Variants in VAMP3 observed in about 807,000 individuals in gnomAD.
VAMP3 encodes vesicle-associated membrane protein 3.
Under a neutral mutation model 18.1 loss-of-function variants are expected in VAMP3, and 11 were observed. That is an observed-to-expected ratio of 0.61 (90% confidence interval 0.38 to 1.00). The LOEUF (loss-of-function observed/expected upper bound fraction) is 1.00. VAMP3 is among the 50% of genes least tolerant of loss of function. The pLI is 0.01. For synonymous variants in VAMP3, 49 were observed against 43.1 expected (o/e 1.14, Z -0.53); for missense variants, 122 against 127.3 (o/e 0.96, Z 0.20).
chr1:7,776,882 T>C (rs2797688), intron 2 of VAMP3: 127,445 of 228,486 alleles, frequency 0.56, 36,252 homozygotes, highest in Admixed American at 0.63. Flanking sequence ...TCTCACCTCA[T>C]TGCAACCTCC....
chr1:7,776,358 T>C (rs1388050640), intron 2 of VAMP3: 1 of 152,268 alleles, frequency 6.6e-6, no homozygotes, highest in African/African-American at 2.4e-5. Context: ...CTGATTTCTA[T>C]GTGTTGTTGT....
chr1:7,775,796 A>C (rs2097054044), intron 2 of VAMP3, among the ~76,000 whole-genome samples: 1 of 152,144 alleles, frequency 6.6e-6, no homozygotes, highest in South Asian at 2.1e-4. Context: ...TTCTTCTAAG[A>C]GTTTTATGGC....
In VAMP3 at chr1:7,780,624, T is replaced by C. The variant is rs2097056638; in HGVS notation, c.*979T>C. ...GCTGTGGACTCCAGCATGTTTCTGA[T>C]AATTATGCAAGCAACAATTCTGTAG... On this transcript the variant is annotated 3_prime_UTR_variant, in exon 5 of 5. Transcript: ENST00000054666. The C allele has an allele frequency of 1.3e-5, 2 of 152,396 alleles. No homozygotes were observed. The allele number at this position is 152,396 out of a possible 1,614,324, so 9.4% of individuals were successfully genotyped here.
At chr1:7,775,862 G>T (rs779099203) in intron 2 of VAMP3, among the ~76,000 whole-genome samples, 3 of 152,146 alleles carry the variant, frequency 2.0e-5, no homozygotes, top group Non-Finnish European at 4.4e-5. Flanking sequence ...TGTATATAGG[G>T]TGAGGTGGGG....
intron 2 of VAMP3, 41 bp downstream of exon 2, chr1:7,773,552 T>C (rs1346782936): frequency 5.8e-6 from 9 of 1,541,974 alleles, no homozygotes; most frequent in Admixed American, 1.7e-5. Flanking sequence ...TTTAAACAAA[T>C]ATGAGTACTC....
rs1334060887 is a variant in VAMP3, at chr1:7,781,286, C to T, written c.*1641C>T. The T allele has an allele frequency of 1.3e-5, 2 of 152,860 alleles. No individual in the cohort carries two copies. Among genetic ancestry groups the T allele is most frequent in the Non-Finnish European group, 2.9e-5 (2 of 68,098 alleles). 9.5% of individuals were successfully genotyped at this position (152,860 alleles called of 1,614,324 possible). On this transcript the variant is annotated 3_prime_UTR_variant, in exon 5 of 5. Coordinates refer to ENST00000054666, the MANE Select transcript of VAMP3 (RefSeq NM_004781.4). The stretch of plus-strand genomic sequence containing the variant: ...TCTCTGGCCGGGTCTGACTCAGAAA[C>T]CTTGGTACTCGCCCCTTGGCCACAG...
intron 2 of VAMP3, 50 bp downstream of exon 2, chr1:7,773,561 T>G (rs748337653): frequency 6.7e-7 from 1 of 1,501,796 alleles, no homozygotes; most frequent in Non-Finnish European, 9.2e-7. Flanking sequence ...ATATGAGTAC[T>G]CTGGAAATCT....
chr1:7,777,124 C>A, intron 2 of VAMP3, 36 bp from the exon 3 acceptor site: 1 of 1,575,928 alleles, frequency 6.3e-7, no homozygotes, highest in Non-Finnish European at 8.6e-7. Context: ...TTCCTCCATT[C>A]TTTGTGCATT....
chr1:7,774,932 T>G (rs2097053500), intron 2 of VAMP3, among the ~76,000 whole-genome samples: 1 of 152,244 alleles, frequency 6.6e-6, no homozygotes, highest in Admixed American at 6.5e-5. Context: ...GGAGTAGCAT[T>G]GCTAGGTCAT....
rs191096882 is a variant in VAMP3 at position 7,773,824 on chromosome 1, G to A, written c.72+313G>A. On this transcript the variant is annotated intron_variant, in intron 2 of 4. Coordinates refer to ENST00000054666, the MANE Select transcript of VAMP3 (RefSeq NM_004781.4). ...TCCCCAAGAAGCACTTTATAAAATC[G>A]GATAATACAATGTTAAGGATTAGGT... 1.9e-4 allele frequency among the ~76,000 whole-genome samples: 29 copies of A among 152,230 alleles called. 1 individual carries two copies. The South Asian group carries it at 5.2e-3, about 27-fold the overall frequency.
intron 1 of VAMP3, 88 bp from the exon 2 acceptor site, chr1:7,773,354 A>C (rs2097052383): frequency 1.9e-6 from 2 of 1,051,054 alleles, no homozygotes; most frequent in Non-Finnish European, 2.9e-6. Flanking sequence ...GATTGTTAAC[A>C]GTGAGAGTCC....
intron 2 of VAMP3, among the ~76,000 whole-genome samples, chr1:7,775,547 C>A (rs2097053927): frequency 6.6e-6 from 1 of 152,106 alleles, no homozygotes; most frequent in South Asian, 2.1e-4. Context: ...CAGTGGTTCA[C>A]CATTTTGGTC....
At chr1:7,779,576 A>C in intron 4 of VAMP3, 50 bp from the exon 5 acceptor site, 1 of 1,613,706 alleles carries the variant, frequency 6.2e-7, no homozygotes, top group African/African-American at 1.3e-5. Context: ...TCACACTGAG[A>C]GACTAACCTG....
rs746381296 is a variant in VAMP3 at position 7,777,255 on chromosome 1, C to A, written c.168C>A (p.Gly56=). The A allele has an allele frequency of 6.2e-7, 1 of 1,613,694 alleles. No homozygotes were observed. Among genetic ancestry groups the A allele is most frequent in the Non-Finnish European group, 8.5e-7 (1 of 1,179,848 alleles). ...LDDRADALQA[G]ASQFETSAAK... is the part of the protein sequence containing the mutation. ...ACCGTGCAGACGCACTGCAGGCAGG[C>A]GCTTCTCAATTTGAAACGAGCGCAG... Residue 56 remains glycine (G), a synonymous_variant, in exon 3 of 5, where the codon GGC becomes GGA. Transcript: ENST00000054666.
intron 2 of VAMP3, among the ~76,000 whole-genome samples, chr1:7,774,015 C>G (rs1201288565): frequency 1.3e-5 from 2 of 152,232 alleles, no homozygotes; most frequent in Non-Finnish European, 2.9e-5. Context: ...TCCATTAGCT[C>G]AGCAAATCTC....
chr1:7,777,144 G>A lies in VAMP3; in HGVS notation c.73-16G>A. 4 of 1,597,290 alleles carry A rather than the reference G, an allele frequency of 2.5e-6. No homozygotes were observed. The highest frequency in any genetic ancestry group is 3.4e-6 in the Non-Finnish European group (4 of 1,169,928). ...CCATTCTTTGTGCATTACTTGCTGT[G>A]ATCACACTCATCTAGGTGGTGGACA... On this transcript the variant is annotated splice_polypyrimidine_tract_variant and intron_variant, in intron 2 of 4. Coordinates refer to ENST00000054666, the MANE Select transcript of VAMP3 (RefSeq NM_004781.4).
chr1:7,775,118 G>A (rs2097053606), intron 2 of VAMP3, among the ~76,000 whole-genome samples: 1 of 151,984 alleles, frequency 6.6e-6, no homozygotes, highest in Admixed American at 6.5e-5. Flanking sequence ...TTTCATTTGC[G>A]TTTCTCTAAT....
At chr1:7,776,999 C>A in intron 2 of VAMP3, 161 bp from the exon 3 acceptor site, 1 of 635,418 alleles carries the variant, frequency 1.6e-6, no homozygotes, top group South Asian at 3.1e-5. Context: ...AGTACTGAGA[C>A]AGGGTTTCCC....
Position 7,771,303 on chromosome 1 carries a change from C to T in VAMP3, c.-81C>T. ...TTTGCCCCGCGCCGCGCCGTCCCAC[C>T]CATCTCCCTGGCCTCCGGTCCCAAC... On this transcript the variant is annotated 5_prime_UTR_variant, in exon 1 of 5. Coordinates refer to ENST00000054666, the MANE Select transcript of VAMP3 (RefSeq NM_004781.4). 9 of 1,561,970 alleles carry T rather than the reference C, an allele frequency of 5.8e-6. No homozygotes were observed. Among genetic ancestry groups the T allele is most frequent in the African/African-American group, 1.4e-5 (1 of 71,844 alleles).
Sources: allele counts gnomAD v4.1 joint callset (sites outside exome capture counted in the v4.1 genomes callset), GRCh38; gene constraint gnomAD v4.1.1; transcripts MANE v1.5; gene names NCBI Gene and HGNC (gene_info 2026-07-23, HGNC 2026-07-21).